Variants in NEUROD4 observed in about 807,000 individuals in gnomAD.
NEUROD4 encodes the protein neuronal differentiation 4.
Under a neutral mutation model 19.8 loss-of-function variants are expected in NEUROD4, and 16 were observed. The observed-to-expected ratio is 0.81, with a 90% CI of 0.55 to 1.23. NEUROD4 has a LOEUF of 1.23. NEUROD4 is among the 50% of genes most tolerant of loss of function. The probability of loss-of-function intolerance (pLI) is 0.00; values close to 1 mark genes in which losing one functional copy is unlikely to be tolerated. For missense variants in NEUROD4, 439 were observed against 398.6 expected (o/e 1.10, Z -0.86); for synonymous variants, 153 against 147.9 (o/e 1.03, Z -0.25).
chr12:55,023,803 A>T (rs754395865), intron 1 of NEUROD4, among the ~76,000 whole-genome samples: 28 of 152,308 alleles, frequency 1.8e-4, no homozygotes, highest in Non-Finnish European at 1.5e-4. Context: ...CTTTTCCTTT[A>T]TACCCACCAA....
intron 1 of NEUROD4, among the ~76,000 whole-genome samples, chr12:55,023,953 G>T (rs1450626955): frequency 6.6e-6 from 1 of 152,106 alleles, no homozygotes; most frequent in Non-Finnish European, 1.5e-5. Flanking sequence ...AGAGTCCAGA[G>T]GTATAGAGGT....
intron 1 of NEUROD4, among the ~76,000 whole-genome samples, chr12:55,025,266 C>G (rs1043696523): frequency 6.6e-6 from 1 of 152,156 alleles, no homozygotes; most frequent in Admixed American, 6.5e-5. Flanking sequence ...TCTGATTAAA[C>G]AGTGTGTTAG....
chr12:55,027,170 G>T lies in NEUROD4; in HGVS notation c.731G>T (p.Cys244Phe), dbSNP rs936283356. 1 of 1,613,982 alleles carries T rather than the reference G, an allele frequency of 6.2e-7. No individual in the cohort carries two copies. Among genetic ancestry groups the T allele is most frequent in the Non-Finnish European group, 8.5e-7 (1 of 1,179,988 alleles). ...TCCTTTGGGAGCCATCTGCCTGACT[G>T]CAGTACACCCCCTTATGAGGGCCCA... Reference protein sequence around the residue: ...ESSFGSHLPDCSTPPYEGPLT... With the variant: ...ESSFGSHLPDFSTPPYEGPLT... The change falls in exon 2 of 2, where the codon TGC becomes TTC. Residue 244 changes from cysteine to phenylalanine, a missense_variant. Coordinates refer to ENST00000242994, the MANE Select transcript of NEUROD4 (RefSeq NM_021191.3).
intron 1 of NEUROD4, among the ~76,000 whole-genome samples, chr12:55,024,876 A>G (rs544976943): frequency 6.6e-6 from 1 of 152,248 alleles, no homozygotes; most frequent in African/African-American, 2.4e-5. Flanking sequence ...AATTATTTAT[A>G]GGAGGTAAAT....
chr12:55,020,757 G>A (rs973179827), intron 1 of NEUROD4, among the ~76,000 whole-genome samples: 17 of 152,144 alleles, frequency 1.1e-4, no homozygotes, highest in Admixed American at 7.2e-4. Context: ...GGGAGGCAGG[G>A]AAAGGAAAAC....
intron 1 of NEUROD4, among the ~76,000 whole-genome samples, chr12:55,021,585 T>C (rs1565595192): frequency 6.6e-6 from 1 of 152,218 alleles, no homozygotes; most frequent in Non-Finnish European, 1.5e-5. Flanking sequence ...ATAGTAGTAA[T>C]GCTTAACGAC....
intron 1 of NEUROD4, among the ~76,000 whole-genome samples, chr12:55,021,924 A>G (rs547143650): frequency 6.6e-6 from 1 of 152,076 alleles, no homozygotes; most frequent in Non-Finnish European, 1.5e-5. Flanking sequence ...TTTCCTATGT[A>G]ATTTGTGAGC....
Position 55,027,019 on chromosome 12 carries a change from G to T in NEUROD4, c.580G>T (p.Asp194Tyr). 1.2e-6 allele frequency: 2 copies of T among 1,614,114 alleles called. No individual in the cohort carries two copies. The highest frequency in any genetic ancestry group is 1.7e-6 in the Non-Finnish European group (2 of 1,180,028). The change falls in exon 2 of 2, where the codon GAC becomes TAC. Residue 194 changes from aspartate to tyrosine, a missense_variant. Asp to Tyr is a radical substitution (Grantham distance 160, BLOSUM62 -3). Transcript: ENST00000242994. ...GCACGAGGATAAATCTCCTATTTGTGACTCTGCCATCTCTGTCCACAACTT... is the reference window on the plus strand; with the variant it reads ...GCACGAGGATAAATCTCCTATTTGTTACTCTGCCATCTCTGTCCACAACTT... ...EKHEDKSPIC[D>Y]SAISVHNFNY...
intron 1 of NEUROD4, among the ~76,000 whole-genome samples, chr12:55,021,195 T>C (rs1952671681): frequency 6.6e-6 from 1 of 152,154 alleles, no homozygotes; most frequent in Admixed American, 6.5e-5. Flanking sequence ...CATGTGCACA[T>C]ATATTAATAA....
rs936628278 is a variant in NEUROD4, at chr12:55,019,997, C to G, written c.-326C>G. ...CCAGAGAGCAGGAGCTGCCCAGAGG[C>G]TTGTGGTCCTGAAAGCTCCTCTCCG... On this transcript the variant is annotated 5_prime_UTR_variant, in exon 1 of 2. Coordinates refer to ENST00000242994, the MANE Select transcript of NEUROD4 (RefSeq NM_021191.3). The G allele has an allele frequency of 1.3e-5, 2 of 152,050 alleles. No homozygotes were observed. The highest frequency in any genetic ancestry group is 2.9e-5 in the Non-Finnish European group (2 of 68,062). 9.4% of individuals were successfully genotyped at this position (152,050 alleles called of 1,614,324 possible). A position where few individuals can be genotyped will look rare whatever the true frequency, so the allele number is the denominator to read the frequency against.
intron 1 of NEUROD4, among the ~76,000 whole-genome samples, chr12:55,024,035 C>T (rs1449379081): frequency 1.3e-5 from 2 of 152,136 alleles, no homozygotes; most frequent in Non-Finnish European, 2.9e-5. Flanking sequence ...AGGAGACTCT[C>T]CTCTCTTGCA....
Position 55,026,639 on chromosome 12 carries a change from C to T in NEUROD4, c.200C>T (p.Pro67Leu). The T allele has an allele frequency of 6.2e-7, 1 of 1,613,846 alleles. No homozygotes were observed. The highest frequency in any genetic ancestry group is 8.5e-7 in the Non-Finnish European group (1 of 1,179,864). The change falls in exon 2 of 2, where the codon CCT (proline) becomes CTT (leucine). Residue 67 changes from proline (P) to leucine (L), a missense_variant. Transcript: ENST00000242994. ...EEEEEEDGEK[P>L]KRRGPKKKKM... Reference sequence around the variant, plus strand: ...GAAGAGGAAGAAGATGGGGAGAAACCTAAGAGAAGGGGTCCCAAGAAAAAG... The same window carrying T: ...GAAGAGGAAGAAGATGGGGAGAAACTTAAGAGAAGGGGTCCCAAGAAAAAG...
rs1952754034 is a variant in NEUROD4, at chr12:55,028,017, T to A, written c.*582T>A. The A allele has an allele frequency of 6.0e-6, 1 of 167,124 alleles. No homozygotes were observed. Among genetic ancestry groups the A allele is most frequent in the South Asian group, 2.1e-4 (1 of 4,830 alleles). 10.4% of individuals were successfully genotyped at this position (167,124 alleles called of 1,614,324 possible). A position where few individuals can be genotyped will look rare whatever the true frequency, so the allele number is the denominator to read the frequency against. On this transcript the variant is annotated 3_prime_UTR_variant, in exon 2 of 2. Coordinates refer to ENST00000242994, the MANE Select transcript of NEUROD4 (RefSeq NM_021191.3). ...ACAGAATGCAAAGCTTGTTTGGATT[T>A]AATGATAGGACCTCTTTGTATCTAT...
In NEUROD4 at chr12:55,026,672, C is replaced by A. The variant is rs759598466; in HGVS notation, c.233C>A (p.Thr78Asn). 1.9e-6 allele frequency: 3 copies of A among 1,614,094 alleles called. No individual in the cohort carries two copies. The highest frequency in any genetic ancestry group is 2.5e-6 in the Non-Finnish European group (3 of 1,179,998). Residue 78 changes from threonine to asparagine, a missense_variant, in exon 2 of 2, where the codon ACC becomes AAC. Coordinates refer to ENST00000242994, the MANE Select transcript of NEUROD4 (RefSeq NM_021191.3). ...AGGGGTCCCAAGAAAAAGAAGATGA[C>A]CAAAGCTCGCCTTGAGAGATTCAGG... ...KRRGPKKKKM[T>N]KARLERFRAR...
rs749447870 is a variant in NEUROD4, at chr12:55,026,893, A to T, written c.454A>T (p.Lys152Ter). The change falls in exon 2 of 2, where the codon AAA (lysine) becomes TAA (stop). Residue 152 changes from lysine to a stop codon, truncating the protein, a stop_gained. Coordinates refer to ENST00000242994, the MANE Select transcript of NEUROD4 (RefSeq NM_021191.3). LOFTEE classifies it high-confidence loss of function. Reference protein sequence around the residue: ...VLETGQTPEGKGFVEMLCKGL... With the variant: ...VLETGQTPEG ...GGAGACTGGCCAGACACCTGAAGGG[A>T]AAGGCTTTGTGGAGATGCTGTGTAA... 6.2e-7 allele frequency: 1 copy of T among 1,614,146 alleles called. No individual in the cohort carries two copies. Among genetic ancestry groups the T allele is most frequent in the South Asian group, 1.1e-5 (1 of 91,082 alleles).
intron 1 of NEUROD4, among the ~76,000 whole-genome samples, chr12:55,022,670 CAG>C (rs2136238455): frequency 1.3e-5 from 2 of 152,182 alleles, no homozygotes; most frequent in African/African-American, 4.8e-5. Flanking sequence ...AATTATAAAA[CAG>C]AGTGAAAGTT....
rs940437784 is a variant in NEUROD4, at chr12:55,027,769, A to C, written c.*334A>C. 1 of 239,182 alleles carries C rather than the reference A, an allele frequency of 4.2e-6. No homozygotes were observed. The highest frequency in any genetic ancestry group is 2.3e-5 in the African/African-American group (1 of 43,980). The allele number at this position is 239,182 out of a possible 1,614,324, so 14.8% of individuals were successfully genotyped here. On this transcript the variant is annotated 3_prime_UTR_variant, in exon 2 of 2. Transcript: ENST00000242994. ...TTCCATTTCTGGCCTTTGTTTATTT[A>C]CTAGCAATTGTAAATAAACAAATTG...
rs1257451123 is a variant in NEUROD4, at chr12:55,026,745, C to A, written c.306C>A (p.Gly102=). ...ANARERTRMH[G]LNDALDNLRR... is the part of the protein sequence containing the mutation. The stretch of plus-strand genomic sequence containing the variant: ...CCAGAGAACGGACCCGGATGCATGG[C>A]CTGAATGACGCCCTGGATAACCTGA... The change falls in exon 2 of 2, where the codon GGC becomes GGA. Residue 102 remains glycine, a synonymous_variant. Coordinates refer to ENST00000242994, the MANE Select transcript of NEUROD4 (RefSeq NM_021191.3). 1.2e-5 allele frequency: 19 copies of A among 1,614,002 alleles called. No individual in the cohort carries two copies. Among genetic ancestry groups the A allele is most frequent in the Non-Finnish European group, 1.4e-5 (17 of 1,180,008 alleles).
At chr12:55,023,003 C>T (rs1952685252) in intron 1 of NEUROD4, among the ~76,000 whole-genome samples, 1 of 152,086 alleles carries the variant, frequency 6.6e-6, no homozygotes, top group Admixed American at 6.5e-5. Context: ...TGTTGTATGA[C>T]ACTATTCAAA....
Sources: allele counts gnomAD v4.1 joint callset (sites outside exome capture counted in the v4.1 genomes callset), GRCh38; gene constraint gnomAD v4.1.1; transcripts MANE v1.5; gene names NCBI Gene and HGNC (gene_info 2026-07-23, HGNC 2026-07-21).